The following RNF24 variants were observed in gnomAD, a reference collection of about 807,000 sequenced individuals.
The protein encoded by RNF24 is ring finger protein 24.
Under a neutral mutation model 20.0 loss-of-function variants are expected in RNF24, and 14 were observed. That is an observed-to-expected ratio of 0.70 (90% CI 0.46 to 1.10). RNF24 has a LOEUF of 1.10. RNF24 is among the 50% of genes least tolerant of loss of function. RNF24 has a pLI of 0.00. For synonymous variants in RNF24, 45 were observed against 61.1 expected, an observed-to-expected ratio of 0.74 and a Z score of 1.23; for missense variants, 124 against 177.6, an observed-to-expected ratio of 0.70 and a Z score of 1.71.
chr20:3,958,681 G>T (rs1294480130), intron 2 of RNF24, among the ~76,000 whole-genome samples: 2 of 152,156 alleles, frequency 1.3e-5, no homozygotes, highest in South Asian at 4.1e-4. Flanking sequence ...CTGCTCTGTT[G>T]CCCAGGCTGG....
chr20:3,992,315 A>G (rs749153143), intron 1 of RNF24, among the ~76,000 whole-genome samples: 1 of 152,246 alleles, frequency 6.6e-6, no homozygotes. Flanking sequence ...TAAAGCAGTT[A>G]TATCAACATA....
At chr20:4,014,776 C>CAT (rs1982753537) in intron 1 of RNF24, among the ~76,000 whole-genome samples, 1 of 144,948 alleles carries the variant, frequency 6.9e-6, no homozygotes, top group Non-Finnish European at 1.5e-5. Flanking sequence ...CACACACACA[C>CAT]ATCATTAGGT....
intron 1 of RNF24, among the ~76,000 whole-genome samples, chr20:3,974,982 G>A (rs1048624669): frequency 7.9e-5 from 12 of 152,054 alleles, no homozygotes; most frequent in African/African-American, 2.7e-4. Context: ...ACTAAAGGGA[G>A]AGGAATCAGT....
At position 3,940,670 on chromosome 20, in the gene RNF24, T is replaced by C. The variant is rs144573891; in HGVS notation, c.228+4507A>G. 7.9e-5 allele frequency among the ~76,000 whole-genome samples: 12 copies of C among 151,716 alleles called. No homozygotes were observed. The East Asian group carries it at 2.1e-3, about 27-fold the overall frequency. The stretch of plus-strand genomic sequence containing the variant: ...TGAAAACTAAAGAAAAAGAAAAAAA[T>C]CTTAAAAGCAGCCAGAGAAAGTGAT... On this transcript the variant is annotated intron_variant, in intron 4 of 5. Transcript: ENST00000358395.
intron 4 of RNF24, among the ~76,000 whole-genome samples, chr20:3,941,541 G>A (rs565387399): frequency 6.6e-6 from 1 of 151,714 alleles, no homozygotes; most frequent in Non-Finnish European, 1.5e-5. Context: ...ACTAAAAAAT[G>A]TTCTAATAAC....
intron 1 of RNF24, among the ~76,000 whole-genome samples, chr20:3,971,399 G>T (rs766804138): frequency 6.6e-6 from 1 of 152,190 alleles, no homozygotes; most frequent in Non-Finnish European, 1.5e-5. Context: ...GAAGGGAAAT[G>T]ATAAGAAAAG....
At chr20:3,989,799 G>A (rs1398758531) in intron 1 of RNF24, among the ~76,000 whole-genome samples, 3 of 152,166 alleles carry the variant, frequency 2.0e-5, no homozygotes, top group Non-Finnish European at 4.4e-5. Context: ...GTTCAAGATG[G>A]TGGCAACTCC....
Position 4,008,420 on chromosome 20 carries a change from T to TATATATAATATGTATAATATATATATA in RNF24, c.-8+7016_-8+7017insTATATATATATTATACATATTATATAT, listed in dbSNP as rs1568672658. ...TATGTAATATGTATAATATATATAT[T>TATATATAATATGTATAATATATATATA]ATATATAATATATAATATGTATAAT... On this transcript the variant is annotated intron_variant, in intron 1 of 5. Coordinates refer to ENST00000358395, the MANE Select transcript of RNF24 (RefSeq NM_001134337.3). Among the ~76,000 whole-genome samples, 48 of 44,650 alleles carry TATATATAATATGTATAATATATATATA rather than the reference T, an allele frequency of 1.1e-3. 2 individuals carry two copies. Among genetic ancestry groups the TATATATAATATGTATAATATATATATA allele is most frequent in the Middle Eastern group, 0.011 (1 of 92 alleles). The allele number at this position is 44,650 out of a possible 152,430, so 29.3% of individuals were successfully genotyped here. A position where few individuals can be genotyped will look rare whatever the true frequency, so the allele number is the denominator to read the frequency against.
intron 1 of RNF24, among the ~76,000 whole-genome samples, chr20:4,010,551 C>A (rs1327878101): frequency 6.6e-6 from 1 of 152,038 alleles, no homozygotes; most frequent in Non-Finnish European, 1.5e-5. Context: ...AAGTTAGTTT[C>A]TTTTTGGTCA....
intron 1 of RNF24, among the ~76,000 whole-genome samples, chr20:3,982,578 CAAAA>C (rs755663389): frequency 2.9e-5 from 3 of 104,970 alleles, no homozygotes; most frequent in Admixed American, 1.0e-4. Flanking sequence ...GACTCTGTCT[CAAAA>C]AAAAAAAAAA....
intron 1 of RNF24, among the ~76,000 whole-genome samples, chr20:3,997,771 C>T (rs1239773042): frequency 6.6e-6 from 1 of 152,166 alleles, no homozygotes; most frequent in Admixed American, 6.5e-5. Context: ...TATGACACTA[C>T]ATTAGGCAAC....
chr20:3,992,612 T>G (rs188737949), intron 1 of RNF24, among the ~76,000 whole-genome samples: 1 of 152,306 alleles, frequency 6.6e-6, no homozygotes, highest in East Asian at 1.9e-4. Context: ...AATTTACTTC[T>G]GCAAACAAAC....
chr20:3,950,926 AT>A (rs2091073939), intron 2 of RNF24, among the ~76,000 whole-genome samples: 1 of 151,784 alleles, frequency 6.6e-6, no homozygotes, highest in African/African-American at 2.4e-5. Context: ...CCCATCTTGC[AT>A]CTAGTTATGT....
chr20:4,010,795 T>TGCTGG (rs1982401873), intron 1 of RNF24, among the ~76,000 whole-genome samples: 1 of 152,198 alleles, frequency 6.6e-6, no homozygotes, highest in Admixed American at 6.5e-5. Context: ...GGAAGGGAGA[T>TGCTGG]GCTGGCCTGA....
intron 1 of RNF24, among the ~76,000 whole-genome samples, chr20:4,012,829 C>A (rs1982570361): frequency 6.6e-6 from 1 of 152,064 alleles, no homozygotes; most frequent in Non-Finnish European, 1.5e-5. Flanking sequence ...CATGAAATTG[C>A]GATACTGTGC....
intron 2 of RNF24, among the ~76,000 whole-genome samples, chr20:3,951,834 A>G (rs899469322): frequency 5.9e-5 from 9 of 152,128 alleles, no homozygotes; most frequent in African/African-American, 1.9e-4. Context: ...GTGTTCTTTC[A>G]ACAAGCCCCC....
chr20:3,947,190 C>T (rs1199865255), intron 3 of RNF24, among the ~76,000 whole-genome samples: 3 of 151,194 alleles, frequency 2.0e-5, no homozygotes, highest in Admixed American at 6.6e-5. Flanking sequence ...GAGACTCCGT[C>T]TCAAAAACAA....
chr20:3,969,936 A>G (rs2091297805), intron 1 of RNF24, among the ~76,000 whole-genome samples: 1 of 151,912 alleles, frequency 6.6e-6, no homozygotes, highest in South Asian at 2.1e-4. Context: ...ATGCCCAGCT[A>G]ATTTTTGTAT....
At chr20:3,990,381 AC>A in intron 1 of RNF24, among the ~76,000 whole-genome samples, 1 of 152,244 alleles carries the variant, frequency 6.6e-6, no homozygotes, top group Admixed American at 6.5e-5. Flanking sequence ...TTACCTATTG[AC>A]CCAGCAATTC....
Sources: gnomAD v4.1 joint callset for allele counts (sites outside exome capture counted in the v4.1 genomes callset) on GRCh38, gnomAD v4.1.1 for gene constraint, MANE v1.5 for transcripts, NCBI Gene and HGNC (gene_info 2026-07-23, HGNC 2026-07-21) for gene names.